The following TRAK1 variants were observed in gnomAD, a reference collection of about 807,000 sequenced individuals.
The protein encoded by TRAK1 is trafficking kinesin protein 1.
A neutral mutation model predicts 92.1 loss-of-function variants in TRAK1; 33 were observed. The observed-to-expected ratio is 0.36, with a 90% CI of 0.27 to 0.48. The LOEUF (loss-of-function observed/expected upper bound fraction) is 0.48, where lower values mean the gene tolerates loss of function less well. Among genes scored for constraint, TRAK1 ranks in the 20% least tolerant of loss-of-function variants. The pLI is 0.99. For synonymous variants in TRAK1, 521 were observed against 517.3 expected, an observed-to-expected ratio of 1.01 and a Z score of -0.10; for missense variants, 1,123 against 1,257.9, an observed-to-expected ratio of 0.89 and a Z score of 1.62.
chr3:42,179,520 C>T (rs565178815), intron 3 of TRAK1, among the ~76,000 whole-genome samples: 152 of 152,294 alleles, frequency 1.0e-3, no homozygotes, highest in African/African-American at 3.6e-3. Flanking sequence ...GCCTCCTCCT[C>T]GGTTACAGAG....
intron 2 of TRAK1, among the ~76,000 whole-genome samples, chr3:42,175,449 C>G (rs911593289): frequency 3.3e-5 from 5 of 152,150 alleles, no homozygotes; most frequent in African/African-American, 4.8e-5. Context: ...CCTTGCTTCT[C>G]CCTCCCTGGC....
At chr3:42,156,869 G>T (rs1204553651) in intron 2 of TRAK1, among the ~76,000 whole-genome samples, 1 of 152,138 alleles carries the variant, frequency 6.6e-6, no homozygotes, top group Non-Finnish European at 1.5e-5. Flanking sequence ...ACCGATGGGG[G>T]CCGGGTTCTG....
chr3:42,086,354 G>C (rs1340771659), upstream of TRAK1, among the ~76,000 whole-genome samples: 1 of 144,476 alleles, frequency 6.9e-6, no homozygotes, highest in African/African-American at 2.8e-5. Context: ...TGCCCAGACT[G>C]GAGCCCAGTG....
chr3:42,210,115 A>AGGG (rs762654471), intron 14 of TRAK1, 130 bp downstream of exon 14: 2 of 1,558,936 alleles, frequency 1.3e-6, no homozygotes, highest in South Asian at 2.3e-5. Flanking sequence ...GAGGAGGAGG[A>AGGG]GGGGTCTGGT....
At chr3:42,128,262 T>C (rs1710840275) in intron 2 of TRAK1, among the ~76,000 whole-genome samples, 1 of 152,216 alleles carries the variant, frequency 6.6e-6, no homozygotes, top group Non-Finnish European at 1.5e-5. Context: ...TTGCTTTGTT[T>C]TTAGTTATAC....
chr3:42,088,091 C>A (rs955890606), upstream of TRAK1, among the ~76,000 whole-genome samples: 1 of 152,206 alleles, frequency 6.6e-6, no homozygotes, highest in Non-Finnish European at 1.5e-5. Flanking sequence ...TAGCTCAATC[C>A]AGTTGCATTC....
chr3:42,183,553 T>TAAAAAAAAAAAAAAAAAAAAAAAAAAA (rs11293523), intron 3 of TRAK1, among the ~76,000 whole-genome samples: 1 of 117,354 alleles, frequency 8.5e-6, no homozygotes, highest in African/African-American at 3.2e-5. Flanking sequence ...AGACTCTGTC[T>TAAAAAAAAAAAAAAAAAAAAAAAAAAA]AAAAAAAAAA....
intron 2 of TRAK1, among the ~76,000 whole-genome samples, chr3:42,150,345 G>A (rs1277804464): frequency 6.6e-6 from 1 of 152,204 alleles, no homozygotes; most frequent in Non-Finnish European, 1.5e-5. Context: ...CGTTCTCAGA[G>A]ACATCACAGT....
chr3:42,199,971 G>T (rs1342834113), intron 11 of TRAK1, among the ~76,000 whole-genome samples: 1 of 152,180 alleles, frequency 6.6e-6, no homozygotes, highest in Non-Finnish European at 1.5e-5. Context: ...AAGATTTTGT[G>T]CAAGGCTTCC....
intron 1 of TRAK1, among the ~76,000 whole-genome samples, chr3:42,056,779 T>C (rs1270182547): frequency 2.6e-5 from 4 of 152,190 alleles, no homozygotes; most frequent in African/African-American, 9.7e-5. Flanking sequence ...CAATATTGAG[T>C]GCTTGTATAT....
chr3:42,096,110 C>T (rs1178968080), intron 1 of TRAK1, among the ~76,000 whole-genome samples: 3 of 152,204 alleles, frequency 2.0e-5, no homozygotes, highest in African/African-American at 7.2e-5. Flanking sequence ...GCAGCCTGAA[C>T]AGGCTAGGAA....
At chr3:42,145,096 C>T (rs563858011) in intron 2 of TRAK1, among the ~76,000 whole-genome samples, 33 of 152,316 alleles carry the variant, frequency 2.2e-4, no homozygotes, top group Middle Eastern at 3.4e-3. Context: ...TCCACCTCCT[C>T]GCCTCCCCAA....
At chr3:42,023,157 C>A (rs201875302) in intron 1 of TRAK1, among the ~76,000 whole-genome samples, 510 of 111,672 alleles carry the variant, frequency 4.6e-3, no homozygotes, top group South Asian at 6.4e-3. Context: ...GACTGCATCT[C>A]AAAAAAAAAA....
intron 1 of TRAK1, among the ~76,000 whole-genome samples, chr3:42,043,843 C>T (rs527606091): frequency 7.0e-6 from 1 of 143,858 alleles, no homozygotes; most frequent in Non-Finnish European, 1.5e-5. Flanking sequence ...CTCTTAAGAG[C>T]ACTTGATTAC....
chr3:42,193,025 C>T (rs376795255), intron 7 of TRAK1, 50 bp from the exon 8 acceptor site: 10 of 1,606,688 alleles, frequency 6.2e-6, no homozygotes, highest in South Asian at 1.1e-5. Context: ...TCTGGGTCTG[C>T]ATGTGTGGTT....
chr3:42,146,209 G>T (rs1211147204), intron 2 of TRAK1: 63 of 301,920 alleles, frequency 2.1e-4, no homozygotes, highest in Non-Finnish European at 7.5e-5. Context: ...TTTAAGAAAA[G>T]TATCCAAATG....
At chr3:42,085,171 T>A (rs1305212510), upstream of TRAK1, among the ~76,000 whole-genome samples, 1 of 145,278 alleles carries the variant, frequency 6.9e-6, no homozygotes, top group Non-Finnish European at 1.5e-5. Context: ...AAAAAAATCA[T>A]TTTTTTTTCT....
intron 1 of TRAK1, among the ~76,000 whole-genome samples, chr3:42,075,721 T>C (rs1294208683): frequency 6.6e-6 from 1 of 152,248 alleles, no homozygotes; most frequent in Non-Finnish European, 1.5e-5. Context: ...TGGTTTTGCT[T>C]TGCATTTCTC....
intron 1 of TRAK1, among the ~76,000 whole-genome samples, chr3:42,094,788 A>G (rs1347555741): frequency 6.6e-6 from 1 of 152,208 alleles, no homozygotes; most frequent in African/African-American, 2.4e-5. Context: ...ATTACAAGGA[A>G]TTGTGTTACT....
Sources: gnomAD v4.1 joint callset for allele counts (sites outside exome capture counted in the v4.1 genomes callset) on GRCh38, gnomAD v4.1.1 for gene constraint, MANE v1.5 for transcripts, NCBI Gene and HGNC (gene_info 2026-07-23, HGNC 2026-07-21) for gene names.